CUL5: variants seen among roughly 807,000 people sequenced by gnomAD.
The protein encoded by CUL5 is cullin-5.
A neutral mutation model predicts 108.8 loss-of-function variants in CUL5; 26 were observed. The ratio of observed to expected loss-of-function variants is 0.24; its 90% CI spans 0.18 to 0.33. The LOEUF is 0.33. Among genes scored for constraint, CUL5 ranks in the 10% least tolerant of loss-of-function variants. The pLI, the probability that CUL5 is intolerant of heterozygous loss-of-function variation, is 1.00. For synonymous variants in CUL5, 334 were observed against 298.0 expected (o/e 1.12, Z -1.25); for missense variants, 524 against 909.2 (o/e 0.58, Z 5.45).
chr11:108,036,434 G>C (rs1862745433), intron 2 of CUL5, among the ~76,000 whole-genome samples: 1 of 152,086 alleles, frequency 6.6e-6, no homozygotes, highest in South Asian at 2.1e-4. Context: ...AGATGCAATA[G>C]CTGCAAAGTA....
At chr11:108,050,322 T>C (rs1863180498) in intron 4 of CUL5, among the ~76,000 whole-genome samples, 2 of 152,124 alleles carry the variant, frequency 1.3e-5, no homozygotes, top group Non-Finnish European at 2.9e-5. Flanking sequence ...TTTTACTTTC[T>C]CCTTCTCCTG....
At chr11:108,016,252 C>T (rs1189108252) in intron 1 of CUL5, among the ~76,000 whole-genome samples, 5 of 150,464 alleles carry the variant, frequency 3.3e-5, no homozygotes, top group African/African-American at 5.0e-5. Context: ...CTTCTCTTCT[C>T]GTCTTCTCTT....
In CUL5 at chr11:108,009,097, C is replaced by T. The variant is rs1861990186; in HGVS notation, c.-252C>T. ...GTTACCTTCTCAGCATTCGCCGTTC[C>T]GGTCTTCCTGAGCGCGTGCATGAGG... is the stretch of plus-strand genomic sequence containing the variant. On this transcript the variant is annotated 5_prime_UTR_variant, in exon 1 of 19. Coordinates refer to ENST00000393094, the MANE Select transcript of CUL5 (RefSeq NM_003478.6). 3 of 553,060 alleles carry T rather than the reference C, an allele frequency of 5.4e-6. No homozygotes were observed. Among genetic ancestry groups the T allele is most frequent in the South Asian group, 4.8e-5 (2 of 41,738 alleles). The allele number at this position is 553,060 out of a possible 1,614,324, so 34.3% of individuals were successfully genotyped here. A position where few individuals can be genotyped will look rare whatever the true frequency, so the allele number is the denominator to read the frequency against.
Position 108,072,338 on chromosome 11 carries a change from A to G in CUL5, c.881A>G (p.His294Arg). Residue 294 changes from histidine (H) to arginine (R), a missense_variant, in exon 9 of 19, where the codon CAT becomes CGT. This residue lies in a region of CUL5 where 170 missense variants were observed against 305.1 expected (regional missense o/e 0.56). Coordinates refer to ENST00000393094, the MANE Select transcript of CUL5 (RefSeq NM_003478.6). ...ATGTGTTCTCTCCTTCCAGAATTAC[A>G]TTTAATGTTTTCATTGATGGACAAA... ...MIKRNETEKLHLMFSLMDKVP... is the reference protein window; with the variant it reads ...MIKRNETEKLRLMFSLMDKVP... 1 of 1,601,296 alleles carries G rather than the reference A, an allele frequency of 6.2e-7. No homozygotes were observed. The highest frequency in any genetic ancestry group is 2.2e-5 in the East Asian group (1 of 44,728).
At chr11:108,029,775 A>C (rs913220628) in intron 1 of CUL5, among the ~76,000 whole-genome samples, 1 of 152,236 alleles carries the variant, frequency 6.6e-6, no homozygotes, top group African/African-American at 2.4e-5. Flanking sequence ...AAGGAGAGCA[A>C]AAATATGTTT....
intron 7 of CUL5, 66 bp from the exon 8 acceptor site, chr11:108,070,030 G>A: frequency 2.1e-6 from 2 of 949,322 alleles, no homozygotes; most frequent in Non-Finnish European, 1.6e-6. Context: ...GTTTTATTTT[G>A]TGAGTTAGAA....
At chr11:108,017,921 A>T (rs996856918) in intron 1 of CUL5, among the ~76,000 whole-genome samples, 3 of 152,122 alleles carry the variant, frequency 2.0e-5, no homozygotes, top group Non-Finnish European at 2.9e-5. Flanking sequence ...TTTTTCCCCA[A>T]AAAACTGCTT....
chr11:108,101,975 G>C (rs1864683531), intron 18 of CUL5, among the ~76,000 whole-genome samples: 1 of 152,032 alleles, frequency 6.6e-6, no homozygotes, highest in African/African-American at 2.4e-5. Flanking sequence ...AGGGTGAGAG[G>C]AATTCACTTG....
intron 7 of CUL5, among the ~76,000 whole-genome samples, chr11:108,056,213 G>A (rs958788509): frequency 1.3e-5 from 2 of 152,162 alleles, no homozygotes; most frequent in Non-Finnish European, 2.9e-5. Context: ...TGGAATTGTT[G>A]AAACACAACA....
intron 1 of CUL5, among the ~76,000 whole-genome samples, chr11:108,013,951 A>C (rs1862117334): frequency 6.6e-6 from 1 of 152,210 alleles, no homozygotes; most frequent in African/African-American, 2.4e-5. Context: ...AACTTTATTG[A>C]CATCCATATG....
At chr11:108,037,271 C>A (rs530044016) in intron 2 of CUL5, among the ~76,000 whole-genome samples, 10 of 152,280 alleles carry the variant, frequency 6.6e-5, no homozygotes, top group Admixed American at 2.0e-4. Flanking sequence ...TTACCTGTCA[C>A]AACAGACAGA....
At position 108,095,576 on chromosome 11, in the gene CUL5, C is replaced by T. The variant is rs1168328554; in HGVS notation, c.1790C>T (p.Thr597Met). The change falls in exon 16 of 19, where the codon ACG becomes ATG. Residue 597 changes from threonine (T) to methionine (M), a missense_variant. Thr to Met is a moderately conservative substitution (Grantham distance 81). This residue lies in a region of CUL5 where 64 missense variants were observed against 152.0 expected (regional missense o/e 0.42). Transcript: ENST00000393094. ...EVGQYDLEVT[T>M]FQLAVLFAWN... is the part of the protein sequence containing the mutation. Reference sequence around the variant, plus strand: ...GGTCAATATGATTTGGAGGTAACCACGTTTCAGCTCGCTGTATTGTTTGCA... The same window carrying T: ...GGTCAATATGATTTGGAGGTAACCATGTTTCAGCTCGCTGTATTGTTTGCA... The T allele has an allele frequency of 3.7e-6, 6 of 1,613,388 alleles. No homozygotes were observed. The highest frequency in any genetic ancestry group is 2.2e-5 in the East Asian group (1 of 44,844).
At chr11:108,090,195 A>G (rs938784602) in intron 13 of CUL5, among the ~76,000 whole-genome samples, 2 of 151,660 alleles carry the variant, frequency 1.3e-5, no homozygotes, top group East Asian at 3.9e-4. Flanking sequence ...TTATTAATAA[A>G]TAGACTACAG....
At chr11:108,017,799 T>C (rs1862239629) in intron 1 of CUL5, among the ~76,000 whole-genome samples, 1 of 151,998 alleles carries the variant, frequency 6.6e-6, no homozygotes, top group East Asian at 1.9e-4. Context: ...GTGAGCAATG[T>C]TTATGCTGCT....
intron 12 of CUL5, among the ~76,000 whole-genome samples, chr11:108,089,158 T>A (rs187934199): frequency 9.2e-5 from 14 of 151,978 alleles, no homozygotes; most frequent in African/African-American, 3.4e-4. Context: ...AGATGACTAG[T>A]GTCAGAAAAA....
intron 1 of CUL5, among the ~76,000 whole-genome samples, chr11:108,026,980 C>T (rs1862465861): frequency 7.6e-6 from 1 of 131,836 alleles, no homozygotes; most frequent in African/African-American, 3.0e-5. Context: ...CAGAGTGAGA[C>T]TCCGTCTCAA....
At chr11:108,099,442 AAGG>A (rs1460674834) in intron 18 of CUL5, among the ~76,000 whole-genome samples, 1 of 152,248 alleles carries the variant, frequency 6.6e-6, no homozygotes, top group Non-Finnish European at 1.5e-5. Flanking sequence ...CAATAAATAA[AAGG>A]AGAATAAAAT....
chr11:108,022,060 G>A (rs1390172976), intron 1 of CUL5, among the ~76,000 whole-genome samples: 2 of 151,946 alleles, frequency 1.3e-5, no homozygotes, highest in Non-Finnish European at 2.9e-5. Flanking sequence ...GCCCAGGCTG[G>A]TCTTGAAATC....
intron 18 of CUL5, among the ~76,000 whole-genome samples, chr11:108,102,517 G>A (rs1257538202): frequency 6.6e-6 from 1 of 152,052 alleles, no homozygotes; most frequent in Admixed American, 6.6e-5. Flanking sequence ...ATTTTGTAGA[G>A]ATGGGGTTTC....
Sources: gnomAD v4.1 joint callset for allele counts (sites outside exome capture counted in the v4.1 genomes callset) on GRCh38, gnomAD v4.1.1 for gene constraint, gnomAD v4.1.1 regional missense constraint, MANE v1.5 for transcripts, NCBI Gene and HGNC (gene_info 2026-07-23, HGNC 2026-07-21) for gene names.